Variants in PRKN observed in about 807,000 individuals in gnomAD.
The protein encoded by PRKN is E3 ubiquitin-protein ligase parkin.
PRKN carries 56 observed loss-of-function variants against 59.5 expected under a neutral mutation model. The observed-to-expected ratio is 0.94, with a 90% CI of 0.76 to 1.18. The LOEUF is 1.18. Among genes scored for constraint, PRKN ranks in the 50% most tolerant of loss-of-function variants. The probability of loss-of-function intolerance (pLI) is 0.00; values close to 1 mark genes in which losing one functional copy is unlikely to be tolerated. For missense variants in PRKN, 657 were observed against 596.4 expected, an observed-to-expected ratio of 1.10 and a Z score of -1.06; for synonymous variants, 250 against 222.1, an observed-to-expected ratio of 1.13 and a Z score of -1.12.
chr6:161,788,038 G>A (rs944745029), intron 6 of PRKN, among the ~76,000 whole-genome samples: 1 of 152,238 alleles, frequency 6.6e-6, no homozygotes, highest in Admixed American at 6.5e-5. Flanking sequence ...TCCCGCCACA[G>A]TGGCCCAGAA....
chr6:162,705,513 CT>C (rs1562512069), intron 1 of PRKN, among the ~76,000 whole-genome samples: 1 of 152,132 alleles, frequency 6.6e-6, no homozygotes. Flanking sequence ...AAGGAACTGG[CT>C]TTTTTGAGCT....
At chr6:162,262,856 G>C (rs1282347305) in intron 2 of PRKN, 91 bp from the exon 3 acceptor site, 2 of 1,524,998 alleles carry the variant, frequency 1.3e-6, no homozygotes, top group African/African-American at 1.4e-5. Flanking sequence ...CTCCGTGGTA[G>C]AAGGGAAGCA....
At chr6:162,602,726 C>A (rs537466800) in intron 1 of PRKN, among the ~76,000 whole-genome samples, 84 of 152,288 alleles carry the variant, frequency 5.5e-4, no homozygotes, top group African/African-American at 1.9e-3. Flanking sequence ...TTTTCACATG[C>A]AAACAAACTA....
chr6:162,075,049 T>C (rs1778761684), intron 4 of PRKN, among the ~76,000 whole-genome samples: 1 of 149,882 alleles, frequency 6.7e-6, no homozygotes. Context: ...ACCATATGAT[T>C]ATCTTCGTCT....
At chr6:162,015,937 C>A (rs13201582) in intron 5 of PRKN, among the ~76,000 whole-genome samples, 1 of 151,902 alleles carries the variant, frequency 6.6e-6, no homozygotes, top group African/African-American at 2.4e-5. Flanking sequence ...TTCATTTACA[C>A]GAAACAGAAC....
intron 1 of PRKN, among the ~76,000 whole-genome samples, chr6:162,584,221 AAAACAAAAAACAAAAAACAAAAAAC>A (rs1349010409): frequency 9.9e-4 from 77 of 77,994 alleles, no homozygotes; most frequent in Non-Finnish European, 1.5e-3. Context: ...TCAAAAAAAA[AAAACAAAAAACAAAAAACAAAAAAC>A]AAAAAAAAAA....
rs2115202088 is a variant in PRKN, at chr6:161,473,345, T to C, written c.1083+75509A>G. Among the ~76,000 whole-genome samples, 1 of 150,338 alleles carries C rather than the reference T, an allele frequency of 6.7e-6. No homozygotes were observed. The highest frequency in any genetic ancestry group is 2.4e-5 in the African/African-American group (1 of 41,186). On this transcript the variant is annotated intron_variant, in intron 9 of 11. Transcript: ENST00000366898. This position sits in a 1 kb window ranked among gnomAD's most constrained non-coding sequence, Gnocchi z 4.1. ...CATTATATATATAGATACCTATATA[T>C]CCATAAATTTATTTATATACATATA...
chr6:162,444,540 C>T (rs1790217530), intron 1 of PRKN, among the ~76,000 whole-genome samples: 1 of 151,978 alleles, frequency 6.6e-6, no homozygotes, highest in Non-Finnish European at 1.5e-5. Context: ...TGCTTTTATT[C>T]ATGACCTCCC....
intron 6 of PRKN, among the ~76,000 whole-genome samples, chr6:161,920,707 T>C (rs1778752436): frequency 6.6e-6 from 1 of 151,386 alleles, no homozygotes; most frequent in South Asian, 2.1e-4. Context: ...GGAGAATCGC[T>C]TGAACCCAGG....
At chr6:161,887,571 T>C (rs1795200645) in intron 6 of PRKN, among the ~76,000 whole-genome samples, 2 of 152,226 alleles carry the variant, frequency 1.3e-5, no homozygotes, top group African/African-American at 4.8e-5. Context: ...TGTATGATTG[T>C]ATAAGAGATG....
chr6:161,619,663 G>T (rs1222300414), intron 7 of PRKN, among the ~76,000 whole-genome samples: 1 of 152,144 alleles, frequency 6.6e-6, no homozygotes, highest in South Asian at 2.1e-4. Flanking sequence ...AGCAGCAGTA[G>T]CCCTTGACTT....
At position 162,490,823 on chromosome 6, in the gene PRKN, A is replaced by G. The variant is rs1792775704; in HGVS notation, c.8-47350T>C. Among the ~76,000 whole-genome samples, 3 of 152,182 alleles carry G rather than the reference A, an allele frequency of 2.0e-5. No homozygotes were observed. In the South Asian group the frequency reaches 6.2e-4, roughly 31 times the overall value. On this transcript the variant is annotated intron_variant, in intron 1 of 11. Coordinates refer to ENST00000366898, the MANE Select transcript of PRKN (RefSeq NM_004562.3). ...ATCCAGACCTCAGCACTGCCCTCAC[A>G]CTGAGCCCTTCAAAAGGACGGCACG...
In PRKN at chr6:161,402,004, G is replaced by T. The variant is rs1787072749; in HGVS notation, c.1084-15127C>A. Among the ~76,000 whole-genome samples the T allele has an allele frequency of 2.0e-5, 3 of 152,154 alleles. No individual in the cohort carries two copies. The highest frequency in any genetic ancestry group is 2.0e-4 in the Admixed American group (3 of 15,276). ...TTGGGGCTGGGTAATAATGGTGAGAGCATTTCCCACATTATCCTCTCGATA... is the reference window on the plus strand; with the variant it reads ...TTGGGGCTGGGTAATAATGGTGAGATCATTTCCCACATTATCCTCTCGATA... On this transcript the variant is annotated intron_variant, in intron 9 of 11. Coordinates refer to ENST00000366898, the MANE Select transcript of PRKN (RefSeq NM_004562.3). This position sits in a 1 kb window ranked among gnomAD's most constrained non-coding sequence, Gnocchi z 4.5.
At chr6:161,690,040 A>G (rs1022755395) in intron 7 of PRKN, among the ~76,000 whole-genome samples, 3 of 152,194 alleles carry the variant, frequency 2.0e-5, no homozygotes, top group African/African-American at 7.2e-5. Context: ...TTAGAATTAA[A>G]TGATTAAGAA....
chr6:162,552,127 T>C (rs1333229057), intron 1 of PRKN, among the ~76,000 whole-genome samples: 1 of 152,126 alleles, frequency 6.6e-6, no homozygotes, highest in Non-Finnish European at 1.5e-5. Flanking sequence ...GGGAACACTG[T>C]GAACAAAGTA....
rs9346868 is a variant in PRKN at position 161,554,346 on chromosome 6, T to C, written c.934-5343A>G. 0.49 allele frequency among the ~76,000 whole-genome samples: 74,427 copies of C among 151,372 alleles called. 18,518 individuals are homozygous for C. Among genetic ancestry groups the C allele is most frequent in the East Asian group, 0.69 (3,518 of 5,114 alleles). ...ATACTGTATCCACACTGTTAACACATGCGGCCATTTCGAACTATGCTGTCT... is the reference window on the plus strand; with the variant it reads ...ATACTGTATCCACACTGTTAACACACGCGGCCATTTCGAACTATGCTGTCT... On this transcript the variant is annotated intron_variant, in intron 8 of 11. Coordinates refer to ENST00000366898, the MANE Select transcript of PRKN (RefSeq NM_004562.3). This position sits in a 1 kb window ranked among gnomAD's most constrained non-coding sequence, Gnocchi z 4.5.
At chr6:162,027,357 C>T (rs1783473480) in intron 5 of PRKN, among the ~76,000 whole-genome samples, 1 of 152,154 alleles carries the variant, frequency 6.6e-6, no homozygotes, top group South Asian at 2.1e-4. Context: ...TGTTTTGCAC[C>T]ATCCTCATAA....
rs1427952567 is a variant in PRKN, at chr6:161,526,633, T to G, written c.1083+22221A>C. On this transcript the variant is annotated intron_variant, in intron 9 of 11. Coordinates refer to ENST00000366898, the MANE Select transcript of PRKN (RefSeq NM_004562.3). The surrounding 1 kb of genome is among the most constrained non-coding windows in gnomAD (Gnocchi z 4.1). Reference sequence around the variant, plus strand: ...AAAATCTCAAAGCATCAGTAATTGCTACATGAGGAGCAAACCCTCTGATAT... The same window carrying G: ...AAAATCTCAAAGCATCAGTAATTGCGACATGAGGAGCAAACCCTCTGATAT... 2.0e-5 allele frequency among the ~76,000 whole-genome samples: 3 copies of G among 151,452 alleles called. No individual in the cohort carries two copies. The highest frequency in any genetic ancestry group is 7.3e-5 in the African/African-American group (3 of 41,336).
chr6:162,073,187 G>C (rs112062963), intron 4 of PRKN, among the ~76,000 whole-genome samples: 8 of 152,150 alleles, frequency 5.3e-5, no homozygotes, highest in Non-Finnish European at 8.8e-5. Context: ...TCTTGAAACC[G>C]TCTGATAGGA....
Sources: gnomAD v4.1 joint callset for allele counts (sites outside exome capture counted in the v4.1 genomes callset) on GRCh38, gnomAD v4.1.1 for gene constraint, Gnocchi (gnomAD v3.1) non-coding constraint, MANE v1.5 for transcripts, NCBI Gene and HGNC (gene_info 2026-07-23, HGNC 2026-07-21) for gene names.